The following SFMBT2 variants were observed in gnomAD, a reference collection of about 807,000 sequenced individuals.
The protein encoded by SFMBT2 is Scm like with four mbt domains 2.
In SFMBT2, 38 loss-of-function variants were observed where a neutral mutation model predicts 110.1. The observed-to-expected ratio is 0.35, with a 90% CI of 0.27 to 0.45. SFMBT2 has a LOEUF of 0.45. Among genes scored for constraint, SFMBT2 ranks in the 20% least tolerant of loss-of-function variants. The pLI is 1.00. For missense variants in SFMBT2, 1,011 were observed against 1,094.9 expected, an observed-to-expected ratio of 0.92 and a Z score of 1.08; for synonymous variants, 425 against 425.4, an observed-to-expected ratio of 1.00 and a Z score of 0.01.
chr10:7,342,781 T>C (rs756114472), intron 4 of SFMBT2, among the ~76,000 whole-genome samples: 5 of 152,238 alleles, frequency 3.3e-5, no homozygotes, highest in Non-Finnish European at 7.3e-5. Context: ...CCATATTTCC[T>C]TTGTTTTACC....
intron 4 of SFMBT2, among the ~76,000 whole-genome samples, chr10:7,296,004 A>G (rs372139484): frequency 6.6e-6 from 1 of 152,216 alleles, no homozygotes; most frequent in African/African-American, 2.4e-5. Flanking sequence ...AGAGATGGAA[A>G]CCATTTACGA....
chr10:7,259,424 T>C (rs1400103203), intron 7 of SFMBT2, among the ~76,000 whole-genome samples: 1 of 152,196 alleles, frequency 6.6e-6, no homozygotes, highest in Non-Finnish European at 1.5e-5. Flanking sequence ...GAAACAGGGA[T>C]GGTCAGCCTC....
intron 4 of SFMBT2, among the ~76,000 whole-genome samples, chr10:7,365,349 G>A (rs1039313002): frequency 3.9e-5 from 6 of 152,216 alleles, no homozygotes; most frequent in Admixed American, 1.3e-4. Flanking sequence ...AACAATGACT[G>A]TTCTTTTCCT....
chr10:7,382,377 T>A (rs1232666217), intron 1 of SFMBT2, among the ~76,000 whole-genome samples: 4 of 152,016 alleles, frequency 2.6e-5, no homozygotes, highest in African/African-American at 9.7e-5. Context: ...ACCACTGCAC[T>A]CCAGCCTGTG....
chr10:7,406,008 A>AT (rs765878715), intron 1 of SFMBT2, among the ~76,000 whole-genome samples: 10 of 151,556 alleles, frequency 6.6e-5, no homozygotes, highest in Non-Finnish European at 1.3e-4. Context: ...CAACATAGAT[A>AT]TAAGAATGGT....
chr10:7,224,652 C>T (rs1454455158), intron 10 of SFMBT2, among the ~76,000 whole-genome samples: 1 of 152,140 alleles, frequency 6.6e-6, no homozygotes, highest in African/African-American at 2.4e-5. Context: ...GTCCTGTGTC[C>T]AGACTTTAGA....
intron 16 of SFMBT2, among the ~76,000 whole-genome samples, chr10:7,179,415 A>T (rs933928406): frequency 8.2e-6 from 1 of 121,506 alleles, no homozygotes; most frequent in South Asian, 2.5e-4. Context: ...AAAAAAAAAA[A>T]ACAAAAGAAA....
At chr10:7,266,533 G>A (rs1336545502) in intron 7 of SFMBT2, among the ~76,000 whole-genome samples, 1 of 152,204 alleles carries the variant, frequency 6.6e-6, no homozygotes, top group African/African-American at 2.4e-5. Flanking sequence ...ATAGTGGGGA[G>A]CTGGAGGGGG....
chr10:7,410,153 C>T (rs1846333587), intron 1 of SFMBT2, among the ~76,000 whole-genome samples: 1 of 152,200 alleles, frequency 6.6e-6, no homozygotes, highest in Non-Finnish European at 1.5e-5. Context: ...ACCGGAAAGC[C>T]CCTAAGTGAC....
chr10:7,284,304 TG>T, intron 5 of SFMBT2, 154 bp from the exon 6 acceptor site: 1 of 1,254,772 alleles, frequency 8.0e-7, no homozygotes, highest in Non-Finnish European at 1.1e-6. Flanking sequence ...GCCCAGCCCA[TG>T]CCCCACCCCT....
chr10:7,369,086 G>A (rs1388127570), intron 3 of SFMBT2, among the ~76,000 whole-genome samples: 12 of 152,306 alleles, frequency 7.9e-5, no homozygotes, highest in Admixed American at 2.0e-4. Flanking sequence ...TCAGCTACTC[G>A]AGAGGCTGAA....
At chr10:7,342,510 G>A (rs954090977) in intron 4 of SFMBT2, among the ~76,000 whole-genome samples, 27 of 144,096 alleles carry the variant, frequency 1.9e-4, no homozygotes, top group Non-Finnish European at 3.8e-4. Context: ...CCGGGTTCAT[G>A]CCATTCTCCT....
chr10:7,288,039 C>T (rs1196233194), intron 4 of SFMBT2, among the ~76,000 whole-genome samples: 1 of 152,198 alleles, frequency 6.6e-6, no homozygotes, highest in Admixed American at 6.5e-5. Flanking sequence ...TATAAACATA[C>T]TAAATTATTA....
At chr10:7,393,467 T>C (rs1258258790) in intron 1 of SFMBT2, among the ~76,000 whole-genome samples, 3 of 152,158 alleles carry the variant, frequency 2.0e-5, no homozygotes, top group Non-Finnish European at 2.9e-5. Context: ...ATTGGGGTCA[T>C]TTAAGGTAGG....
At chr10:7,274,855 CAAA>C (rs958558618) in intron 7 of SFMBT2, among the ~76,000 whole-genome samples, 1 of 140,978 alleles carries the variant, frequency 7.1e-6, no homozygotes, top group African/African-American at 2.6e-5. Context: ...ACCGTTTCTC[CAAA>C]AAAAAAAAAA....
In SFMBT2 at chr10:7,307,843, C is replaced by T. The variant is rs554088798; in HGVS notation, c.437-21889G>A. 2.2e-4 allele frequency among the ~76,000 whole-genome samples: 33 copies of T among 152,216 alleles called. No homozygotes were observed. In the South Asian group the frequency reaches 6.6e-3, roughly 31 times the overall value. Reference sequence around the variant, plus strand: ...TCAGCTTAGTAAAATTAAGAATTTCCATCCACTAAGAAGTCATTAAAAAGA... The same window carrying T: ...TCAGCTTAGTAAAATTAAGAATTTCTATCCACTAAGAAGTCATTAAAAAGA... On this transcript the variant is annotated intron_variant, in intron 4 of 20. Coordinates refer to ENST00000397167, the MANE Select transcript of SFMBT2 (RefSeq NM_001387889.1).
rs1430812631 is a variant in SFMBT2 at position 7,345,697 on chromosome 10, A to G, written c.436+21952T>C. Among the ~76,000 whole-genome samples, 4 of 152,210 alleles carry G rather than the reference A, an allele frequency of 2.6e-5. No homozygotes were observed. In the East Asian group the frequency reaches 7.7e-4, roughly 29 times the overall value. On this transcript the variant is annotated intron_variant, in intron 4 of 20. Transcript: ENST00000397167. The stretch of plus-strand genomic sequence containing the variant: ...CATTCTTCATTCTATGGCCAAGTCT[A>G]CAACTACAGAAGAGTTGGAGTATCA...
chr10:7,327,211 A>AT (rs1375578564), intron 4 of SFMBT2, among the ~76,000 whole-genome samples: 2 of 151,280 alleles, frequency 1.3e-5, no homozygotes, highest in Non-Finnish European at 2.9e-5. Context: ...AGATTGTTTA[A>AT]TTTTTTTGTT....
chr10:7,249,812 G>A (rs745361075), intron 7 of SFMBT2, among the ~76,000 whole-genome samples: 1 of 152,186 alleles, frequency 6.6e-6, no homozygotes, highest in Non-Finnish European at 1.5e-5. Context: ...GAATGTAAAC[G>A]CCTATAGAAC....
Sources: gnomAD v4.1 joint callset for allele counts (sites outside exome capture counted in the v4.1 genomes callset) on GRCh38, gnomAD v4.1.1 for gene constraint, MANE v1.5 for transcripts, NCBI Gene and HGNC (gene_info 2026-07-23, HGNC 2026-07-21) for gene names.